Variants in TBL1X observed in about 807,000 individuals in gnomAD.
The protein encoded by TBL1X is F-box-like/WD repeat-containing protein TBL1X.
Under a neutral mutation model 50.7 loss-of-function variants are expected in TBL1X, and 10 were observed. The ratio of observed to expected loss-of-function variants is 0.20; its 90% CI spans 0.12 to 0.33. TBL1X has a LOEUF of 0.33. Among genes scored for constraint, TBL1X ranks in the 10% least tolerant of loss-of-function variants. The pLI is 1.00. For missense variants in TBL1X, 340 were observed against 504.4 expected, an observed-to-expected ratio of 0.67 and a Z score of 3.12; for synonymous variants, 190 against 214.7, an observed-to-expected ratio of 0.88 and a Z score of 1.01.
At chrX:9,483,880 T>C (rs2081896631) in intron 1 of TBL1X, among the ~76,000 whole-genome samples, 1 of 112,024 alleles carries the variant, frequency 8.9e-6, no homozygotes, top group South Asian at 3.7e-4. Flanking sequence ...ATATGTAGTC[T>C]TGGGTCTTTA....
At chrX:9,504,690 G>A (rs1422484946) in intron 2 of TBL1X, among the ~76,000 whole-genome samples, 1 of 112,174 alleles carries the variant, frequency 8.9e-6, no homozygotes, top group Non-Finnish European at 1.9e-5. Flanking sequence ...AGTATCAACA[G>A]CTGAATCGAC....
chrX:9,531,356 T>TGGGTGG (rs1406813247), intron 2 of TBL1X, among the ~76,000 whole-genome samples: 2 of 61,014 alleles, frequency 3.3e-5, no homozygotes, highest in African/African-American at 1.9e-4. Flanking sequence ...ACCTGGAGGG[T>TGGGTGG]GTGTGTGTGT....
intron 2 of TBL1X, among the ~76,000 whole-genome samples, chrX:9,564,847 G>T (rs1245914648): frequency 9.0e-6 from 1 of 110,953 alleles, no homozygotes; most frequent in African/African-American, 3.3e-5. Context: ...AATTATCCAA[G>T]AGTTTTGATC....
intron 2 of TBL1X, among the ~76,000 whole-genome samples, chrX:9,536,868 G>A (rs1025926268): frequency 9.0e-6 from 1 of 111,585 alleles, no homozygotes; most frequent in Non-Finnish European, 1.9e-5. Context: ...TTCTCCTCTC[G>A]CACCAAGGCA....
Position 9,690,289 on chromosome X carries a change from A to G in TBL1X, c.617-1290A>G, listed in dbSNP as rs745321474. ...GCTCAGGCTGCCGTAACAAAAGGCC[A>G]CACACCAGGCTGTTTAAGAATTTGC... On this transcript the variant is annotated intron_variant, in intron 7 of 17. Coordinates refer to ENST00000645353, the MANE Select transcript of TBL1X (RefSeq NM_005647.4). 1.5e-3 allele frequency among the ~76,000 whole-genome samples: 174 copies of G among 112,346 alleles called. 1 individual carries two copies. Among genetic ancestry groups the G allele is most frequent in the African/African-American group, 5.5e-3 (169 of 30,961 alleles).
intron 5 of TBL1X, among the ~76,000 whole-genome samples, chrX:9,681,491 G>C (rs2083025259): frequency 8.9e-6 from 1 of 112,606 alleles, no homozygotes; most frequent in African/African-American, 3.2e-5. Context: ...TGAGGTAGTG[G>C]ACAGAGTGCC....
chrX:9,662,068 C>T (rs1449094847), intron 5 of TBL1X, among the ~76,000 whole-genome samples: 1 of 111,539 alleles, frequency 9.0e-6, no homozygotes, highest in African/African-American at 3.3e-5. Flanking sequence ...CCCTTCATAT[C>T]CTAGGCCTCT....
chrX:9,613,108 A>G (rs1484615659), intron 2 of TBL1X, among the ~76,000 whole-genome samples: 1 of 111,502 alleles, frequency 9.0e-6, no homozygotes, highest in Non-Finnish European at 1.9e-5. Flanking sequence ...CACTGTTTCT[A>G]GGAGTTTTAA....
chrX:9,551,286 G>T (rs1170820565), intron 2 of TBL1X, among the ~76,000 whole-genome samples: 1 of 109,114 alleles, frequency 9.2e-6, no homozygotes, highest in Non-Finnish European at 1.9e-5. Context: ...GCCCTTTTGG[G>T]GTAGAGTGGA....
At chrX:9,545,000 CTT>C (rs34726098) in intron 2 of TBL1X, among the ~76,000 whole-genome samples, 91 of 71,744 alleles carry the variant, frequency 1.3e-3, no homozygotes, top group African/African-American at 4.5e-3. Context: ...TTTCCCCCCA[CTT>C]TTTTTTTTTT....
intron 13 of TBL1X, among the ~76,000 whole-genome samples, chrX:9,708,169 T>G (rs2083221330): frequency 9.0e-6 from 1 of 111,578 alleles, no homozygotes; most frequent in Admixed American, 9.5e-5. Flanking sequence ...CAGCTGAACC[T>G]TTGCCACAGG....
At chrX:9,676,575 G>C (rs763979190) in intron 5 of TBL1X, among the ~76,000 whole-genome samples, 1 of 112,125 alleles carries the variant, frequency 8.9e-6, no homozygotes, top group South Asian at 3.7e-4. Context: ...GATCCTTCTG[G>C]TATTTCTTTT....
chrX:9,566,889 CATAA>C (rs1309218594), intron 2 of TBL1X, among the ~76,000 whole-genome samples: 1 of 112,116 alleles, frequency 8.9e-6, no homozygotes, highest in African/African-American at 3.2e-5. Context: ...GATGAAACCT[CATAA>C]ATAGTTTAAA....
chrX:9,701,569 T>TAAAAAAA (rs63287561), intron 12 of TBL1X, among the ~76,000 whole-genome samples: 11 of 47,028 alleles, frequency 2.3e-4, no homozygotes, highest in African/African-American at 8.6e-4. Context: ...CTTGATGAGC[T>TAAAAAAA]AAAAAAAAAA....
intron 2 of TBL1X, among the ~76,000 whole-genome samples, chrX:9,538,249 A>G (rs934196450): frequency 1.8e-5 from 2 of 111,603 alleles, no homozygotes; most frequent in African/African-American, 3.3e-5. Flanking sequence ...CCCGGGTCTT[A>G]GTAGTAACCA....
intron 2 of TBL1X, among the ~76,000 whole-genome samples, chrX:9,549,542 A>T (rs990688965): frequency 9.0e-6 from 1 of 110,794 alleles, no homozygotes; most frequent in African/African-American, 3.3e-5. Flanking sequence ...TAAAATATTT[A>T]CTCTCTGGCC....
intron 2 of TBL1X, among the ~76,000 whole-genome samples, chrX:9,628,499 C>T (rs936960933): frequency 4.5e-5 from 5 of 112,119 alleles, no homozygotes; most frequent in Non-Finnish European, 9.4e-5. Flanking sequence ...CTAGTCTGTA[C>T]AGCTTCACAT....
At chrX:9,705,921 C>T (rs1433587364) in intron 13 of TBL1X, among the ~76,000 whole-genome samples, 1 of 110,864 alleles carries the variant, frequency 9.0e-6, no homozygotes, top group Non-Finnish European at 1.9e-5. Context: ...AGCATGGCAG[C>T]ATCTGCTTCT....
At chrX:9,502,607 A>G (rs750859858) in intron 2 of TBL1X, among the ~76,000 whole-genome samples, 2 of 112,591 alleles carry the variant, frequency 1.8e-5, no homozygotes, top group South Asian at 7.4e-4. Context: ...GTCTTGCTCC[A>G]AATCCATGTC....
Sources: gnomAD v4.1 joint callset for allele counts (sites outside exome capture counted in the v4.1 genomes callset) on GRCh38, gnomAD v4.1.1 for gene constraint, MANE v1.5 for transcripts, NCBI Gene and HGNC (gene_info 2026-07-23, HGNC 2026-07-21) for gene names.